Variants in SORCS1 observed in about 807,000 individuals in gnomAD.
The protein encoded by SORCS1 is sortilin related VPS10 domain containing receptor 1, also known as VPS10 domain-containing receptor SorCS1.
A neutral mutation model predicts 146.1 loss-of-function variants in SORCS1; 60 were observed. That is an observed-to-expected ratio of 0.41 (90% CI 0.33 to 0.51). The LOEUF (loss-of-function observed/expected upper bound fraction) is 0.51, where lower values mean the gene tolerates loss of function less well. SORCS1 is among the 20% of genes least tolerant of loss of function. The pLI, the probability that SORCS1 is intolerant of heterozygous loss-of-function variation, is 0.21. For missense variants in SORCS1, 1,352 were observed against 1,487.6 expected (o/e 0.91, Z 1.50); for synonymous variants, 637 against 584.0 (o/e 1.09, Z -1.31).
intron 3 of SORCS1, among the ~76,000 whole-genome samples, chr10:106,809,693 C>T (rs1947364461): frequency 1.3e-5 from 2 of 152,132 alleles, no homozygotes; most frequent in African/African-American, 4.8e-5. Context: ...TATAAAAAAT[C>T]TCCAGAATCT....
At chr10:106,899,900 A>G (rs563773923) in intron 2 of SORCS1, among the ~76,000 whole-genome samples, 1 of 151,938 alleles carries the variant, frequency 6.6e-6, no homozygotes, top group South Asian at 2.1e-4. Flanking sequence ...TCACTATTCC[A>G]TCCTTTTGCA....
chr10:106,780,400 G>T (rs1196089996), intron 3 of SORCS1, among the ~76,000 whole-genome samples: 2 of 152,196 alleles, frequency 1.3e-5, no homozygotes, highest in African/African-American at 4.8e-5. Flanking sequence ...TCTGGAGCAT[G>T]TTCTGGACAA....
intron 1 of SORCS1, among the ~76,000 whole-genome samples, chr10:107,155,710 A>G (rs1182552515): frequency 6.6e-6 from 1 of 151,884 alleles, no homozygotes; most frequent in East Asian, 1.9e-4. Flanking sequence ...GCCCCAAACC[A>G]CCAAAGGCCC....
chr10:107,136,153 GA>G (rs1305679332), intron 1 of SORCS1, among the ~76,000 whole-genome samples: 1 of 152,092 alleles, frequency 6.6e-6, no homozygotes, highest in Non-Finnish European at 1.5e-5. Flanking sequence ...AGGATGAAAA[GA>G]AAAGATAACT....
chr10:106,748,849 C>G (rs960014170), intron 5 of SORCS1, among the ~76,000 whole-genome samples: 2 of 152,092 alleles, frequency 1.3e-5, no homozygotes, highest in African/African-American at 4.8e-5. Context: ...ATTGACTAAT[C>G]CTACATCTCA....
chr10:107,078,302 TATAAA>T (rs1199502287), intron 1 of SORCS1, among the ~76,000 whole-genome samples: 2 of 151,908 alleles, frequency 1.3e-5, no homozygotes, highest in Non-Finnish European at 2.9e-5. Context: ...GGGACAAAAA[TATAAA>T]ATAAAATAAA....
Position 107,085,305 on chromosome 10 carries a change from A to T in SORCS1, c.558+78664T>A, listed in dbSNP as rs373585448. On this transcript the variant is annotated intron_variant, in intron 1 of 25. Coordinates refer to ENST00000263054, the MANE Select transcript of SORCS1 (RefSeq NM_052918.5). ...GTAATACCATTTAAACACAACAAAT[A>T]AAAATTGGCCAGAGTATCAACATAC... Among the ~76,000 whole-genome samples, 9 of 152,332 alleles carry T rather than the reference A, an allele frequency of 5.9e-5. No homozygotes were observed. The South Asian group carries it at 1.0e-3, about 18-fold the overall frequency.
rs780742915 is a variant in SORCS1 at position 106,699,249 on chromosome 10, C to T, written c.1378G>A (p.Gly460Ser). 2.7e-5 allele frequency: 44 copies of T among 1,613,558 alleles called. No homozygotes were observed. The highest frequency in any genetic ancestry group is 3.5e-5 in the Non-Finnish European group (41 of 1,179,760). ...LALENVQSSRGPEGNIMIDLY... is the reference protein window; with the variant it reads ...LALENVQSSRSPEGNIMIDLY... ...TCGATCATGATGTTGCCCTCAGGGC[C>T]TCTGCTGCTCTGGACATTCTCCAAG... is the stretch of plus-strand genomic sequence containing the variant. The change falls in exon 9 of 26, where the codon GGC (glycine) becomes AGC (serine). Residue 460 changes from glycine to serine, a missense_variant. Around this residue, in one of 3 missense-constraint regions of SORCS1, gnomAD observed 648 missense variants for 793.8 expected, o/e 0.82. Coordinates refer to ENST00000263054, the MANE Select transcript of SORCS1 (RefSeq NM_052918.5).
chr10:106,900,193 C>G (rs1951649089), intron 2 of SORCS1, among the ~76,000 whole-genome samples: 1 of 152,162 alleles, frequency 6.6e-6, no homozygotes, highest in African/African-American at 2.4e-5. Context: ...ACGCTTACCA[C>G]ACTGTTGGCT....
intron 5 of SORCS1, among the ~76,000 whole-genome samples, chr10:106,758,482 A>G (rs1171928201): frequency 1.3e-5 from 2 of 152,192 alleles, no homozygotes. Flanking sequence ...GGACTTGAGA[A>G]AAGATTTGTC....
At chr10:106,953,892 A>G (rs746242035) in intron 2 of SORCS1, among the ~76,000 whole-genome samples, 1 of 152,228 alleles carries the variant, frequency 6.6e-6, no homozygotes, top group South Asian at 2.1e-4. Context: ...AGTGAAATTC[A>G]TCTTAAGATT....
intron 14 of SORCS1, among the ~76,000 whole-genome samples, chr10:106,674,328 CAAAA>C (rs10658432): frequency 8.4e-4 from 23 of 27,366 alleles, no homozygotes; most frequent in Admixed American, 4.5e-3. Context: ...GACTCCGTCT[CAAAA>C]AAAAAAAAAA....
intron 18 of SORCS1, among the ~76,000 whole-genome samples, chr10:106,639,357 G>T (rs970916692): frequency 7.2e-5 from 11 of 152,198 alleles, no homozygotes; most frequent in Non-Finnish European, 1.3e-4. Context: ...CCTCTGGGAT[G>T]TTTGCCGAAC....
rs541200925 is a variant in SORCS1, at chr10:106,771,504, T to C, written c.885+5030A>G. The stretch of plus-strand genomic sequence containing the variant: ...AAAGGACTATATCTCCTTTCTCTTA[T>C]CTGCTCAGTTTCCAAATGCAAAGAA... On this transcript the variant is annotated intron_variant, in intron 4 of 25. Coordinates refer to ENST00000263054, the MANE Select transcript of SORCS1 (RefSeq NM_052918.5). 2.0e-5 allele frequency among the ~76,000 whole-genome samples: 3 copies of C among 152,370 alleles called. No individual in the cohort carries two copies. In the East Asian group the frequency reaches 5.8e-4, roughly 29 times the overall value.
At chr10:106,595,526 C>T (rs1449581356) in intron 24 of SORCS1, among the ~76,000 whole-genome samples, 1 of 152,120 alleles carries the variant, frequency 6.6e-6, no homozygotes, top group Non-Finnish European at 1.5e-5. Flanking sequence ...CCTCCATACT[C>T]CATGCTGAGG....
At chr10:107,127,080 T>C (rs1356565583) in intron 1 of SORCS1, among the ~76,000 whole-genome samples, 2 of 152,010 alleles carry the variant, frequency 1.3e-5, no homozygotes, top group Non-Finnish European at 2.9e-5. Context: ...CAATCTTGTT[T>C]GTGGCAGGCT....
At position 106,709,389 on chromosome 10, in the gene SORCS1, C is replaced by T. The variant is rs1199216126; in HGVS notation, c.1025-48G>A. 11 of 1,166,336 alleles carry T rather than the reference C, an allele frequency of 9.4e-6. No individual in the cohort carries two copies. The African/African-American group carries it at 1.4e-4, about 15-fold the overall frequency. 72.2% of individuals were successfully genotyped at this position (1,166,336 alleles called of 1,614,324 possible). On this transcript the variant is annotated intron_variant, in intron 6 of 25. Coordinates refer to ENST00000263054, the MANE Select transcript of SORCS1 (RefSeq NM_052918.5). ...AAAACATGGGGTTGAGGGGGATATA[C>T]AGACAGAGATTTACAGTCAGGGTGG... is the stretch of plus-strand genomic sequence containing the variant.
chr10:107,100,426 A>G (rs913654399), intron 1 of SORCS1, among the ~76,000 whole-genome samples: 2 of 152,056 alleles, frequency 1.3e-5, no homozygotes, highest in African/African-American at 4.8e-5. Context: ...AGGCAGGAGA[A>G]TGGTGTGAAC....
chr10:106,905,861 A>T (rs1441187301), intron 2 of SORCS1, among the ~76,000 whole-genome samples: 1 of 152,268 alleles, frequency 6.6e-6, no homozygotes, highest in African/African-American at 2.4e-5. Context: ...TTTTAGAATT[A>T]AAAGGCTCTA....
Sources: gnomAD v4.1 joint callset for allele counts (sites outside exome capture counted in the v4.1 genomes callset) on GRCh38, gnomAD v4.1.1 for gene constraint, gnomAD v4.1.1 regional missense constraint, MANE v1.5 for transcripts, NCBI Gene and HGNC (gene_info 2026-07-23, HGNC 2026-07-21) for gene names.